The following ZDHHC15 variants were observed in gnomAD, a reference collection of about 807,000 sequenced individuals.
ZDHHC15 encodes the protein palmitoyltransferase ZDHHC15.
ZDHHC15 carries 19 observed loss-of-function variants against 31.7 expected under a neutral mutation model. The observed-to-expected ratio is 0.60, with a 90% CI of 0.42 to 0.88. ZDHHC15 has a LOEUF of 0.88. Among genes scored for constraint, ZDHHC15 ranks in the 40% least tolerant of loss-of-function variants. The pLI is 0.00. For missense variants in ZDHHC15, 209 were observed against 251.2 expected, an observed-to-expected ratio of 0.83 and a Z score of 1.14; for synonymous variants, 103 against 90.0, an observed-to-expected ratio of 1.14 and a Z score of -0.82.
chrX:75,516,523 G>C lies in ZDHHC15; in HGVS notation c.136+6366C>G, dbSNP rs374466724. On this transcript the variant is annotated intron_variant, in intron 1 of 11. Coordinates refer to ENST00000373367, the MANE Select transcript of ZDHHC15 (RefSeq NM_144969.3). ...TTTAATAAATGGTGCTGGGAAAACT[G>C]GCTAGCCAGATGTAGAAAGCTGAAA... Among the ~76,000 whole-genome samples, 19 of 112,389 alleles carry C rather than the reference G, an allele frequency of 1.7e-4. No individual in the cohort carries two copies. In the South Asian group the frequency reaches 6.6e-3, roughly 39 times the overall value.
chrX:75,451,676 T>A (rs1049477559), intron 3 of ZDHHC15, among the ~76,000 whole-genome samples: 1 of 112,052 alleles, frequency 8.9e-6, no homozygotes, highest in Non-Finnish European at 1.9e-5. Flanking sequence ...CTTTGCAAAA[T>A]CAGACATTCT....
intron 10 of ZDHHC15, among the ~76,000 whole-genome samples, chrX:75,395,230 A>C (rs2083286764): frequency 9.0e-6 from 1 of 111,708 alleles, no homozygotes; most frequent in African/African-American, 3.2e-5. Flanking sequence ...AGAAAGAAAT[A>C]AACACATCCC....
At chrX:75,498,870 C>T (rs2085048770) in intron 2 of ZDHHC15, among the ~76,000 whole-genome samples, 2 of 111,658 alleles carry the variant, frequency 1.8e-5, no homozygotes, top group African/African-American at 6.5e-5. Context: ...TATCACATTA[C>T]CCAATTTCTA....
intron 10 of ZDHHC15, among the ~76,000 whole-genome samples, chrX:75,403,499 G>T (rs1255159759): frequency 8.9e-6 from 1 of 111,778 alleles, no homozygotes; most frequent in East Asian, 2.8e-4. Flanking sequence ...TTGGCCAAAA[G>T]CTCCTTCAGG....
intron 2 of ZDHHC15, among the ~76,000 whole-genome samples, chrX:75,491,191 G>A (rs1363012948): frequency 9.0e-6 from 1 of 110,736 alleles, no homozygotes; most frequent in Admixed American, 9.6e-5. Flanking sequence ...GTTTACTGCA[G>A]CACTATTCAC....
At chrX:75,456,550 C>G (rs781494847) in intron 3 of ZDHHC15, among the ~76,000 whole-genome samples, 1 of 111,215 alleles carries the variant, frequency 9.0e-6, no homozygotes, top group African/African-American at 3.3e-5. Flanking sequence ...CTGGAAACAA[C>G]AGATGCTGTC....
chrX:75,503,643 G>T (rs775099865), intron 2 of ZDHHC15, among the ~76,000 whole-genome samples: 5 of 111,077 alleles, frequency 4.5e-5, no homozygotes, highest in South Asian at 3.9e-4. Flanking sequence ...ATCCGAGGTA[G>T]ATCTAACACC....
At chrX:75,406,992 T>C (rs1429550784) in intron 10 of ZDHHC15, among the ~76,000 whole-genome samples, 1 of 112,491 alleles carries the variant, frequency 8.9e-6, no homozygotes, top group East Asian at 2.8e-4. Context: ...GTGCTCAATG[T>C]TGCCCAGGCT....
At chrX:75,431,392 T>C (rs2083778318) in intron 5 of ZDHHC15, 59 bp downstream of exon 5, 10 of 1,079,431 alleles carry the variant, frequency 9.3e-6, no homozygotes, top group Non-Finnish European at 1.1e-5. Flanking sequence ...AGTCATTTTG[T>C]TGTCTAGGAA....
At chrX:75,515,854 T>A (rs1602774350) in intron 1 of ZDHHC15, among the ~76,000 whole-genome samples, 1 of 111,891 alleles carries the variant, frequency 8.9e-6, no homozygotes, top group Middle Eastern at 4.6e-3. Context: ...CAGGCCAAAA[T>A]CTCCTTAAGC....
chrX:75,397,757 A>G (rs1456050020), intron 10 of ZDHHC15, among the ~76,000 whole-genome samples: 1 of 111,438 alleles, frequency 9.0e-6, no homozygotes, highest in Non-Finnish European at 1.9e-5. Context: ...CAGAGAACAA[A>G]GAAAAGCAAG....
intron 3 of ZDHHC15, among the ~76,000 whole-genome samples, chrX:75,474,451 A>G (rs1477520659): frequency 3.3e-4 from 4 of 12,262 alleles, no homozygotes; most frequent in Admixed American, 2.2e-3. Context: ...ATATATATAC[A>G]CACACACACA....
chrX:75,493,711 G>A (rs2084939796), intron 2 of ZDHHC15, among the ~76,000 whole-genome samples: 1 of 112,089 alleles, frequency 8.9e-6, no homozygotes, highest in Admixed American at 9.5e-5. Context: ...TTGCAGAAAA[G>A]TCCTTTGACA....
chrX:75,475,362 T>C (rs2084586969), intron 3 of ZDHHC15, among the ~76,000 whole-genome samples: 1 of 111,811 alleles, frequency 8.9e-6, no homozygotes, highest in African/African-American at 3.2e-5. Flanking sequence ...AGCTCTTAAG[T>C]TTAGATCTTG....
At chrX:75,386,375 T>G (rs892525961) in intron 10 of ZDHHC15, among the ~76,000 whole-genome samples, 1 of 112,203 alleles carries the variant, frequency 8.9e-6, no homozygotes, top group Non-Finnish European at 1.9e-5. Context: ...AAATATGCCT[T>G]CTAGGATATA....
At position 75,442,607 on chromosome X, in the gene ZDHHC15, T is replaced by C. The variant is rs188563881; in HGVS notation, c.379+8195A>G. On this transcript the variant is annotated intron_variant, in intron 4 of 11. Coordinates refer to ENST00000373367, the MANE Select transcript of ZDHHC15 (RefSeq NM_144969.3). ...CAACTTACAAGGGATGTGAAGGACC[T>C]TTTCAAGGAGAACTACAAACTACTG... 2.1e-3 allele frequency among the ~76,000 whole-genome samples: 240 copies of C among 111,735 alleles called. 4 individuals are homozygous for C. The highest frequency in any genetic ancestry group is 7.5e-3 in the African/African-American group (229 of 30,633).
intron 10 of ZDHHC15, among the ~76,000 whole-genome samples, chrX:75,393,151 T>C (rs1445689473): frequency 1.8e-5 from 2 of 111,387 alleles, no homozygotes; most frequent in Non-Finnish European, 3.8e-5. Flanking sequence ...CTTGATAGTC[T>C]GGGTCAATCA....
intron 3 of ZDHHC15, among the ~76,000 whole-genome samples, chrX:75,461,844 C>T (rs1462885639): frequency 9.0e-6 from 1 of 110,822 alleles, no homozygotes; most frequent in African/African-American, 3.3e-5. Context: ...GTACACAGAC[C>T]AGTGACACTA....
chrX:75,394,317 C>A (rs764619346), intron 10 of ZDHHC15, among the ~76,000 whole-genome samples: 2 of 109,011 alleles, frequency 1.8e-5, no homozygotes, highest in Admixed American at 1.9e-4. Context: ...AAAACAAAAA[C>A]CCATGAAACA....
Sources: gnomAD v4.1 joint callset for allele counts (sites outside exome capture counted in the v4.1 genomes callset) on GRCh38, gnomAD v4.1.1 for gene constraint, MANE v1.5 for transcripts, NCBI Gene and HGNC (gene_info 2026-07-23, HGNC 2026-07-21) for gene names.